The following TACC1 variants were observed in gnomAD, a reference collection of about 807,000 sequenced individuals.
The protein encoded by TACC1 is transforming acidic coiled-coil containing protein 1, also known as transforming acidic coiled-coil-containing protein 1.
Under a neutral mutation model 84.4 loss-of-function variants are expected in TACC1, and 48 were observed. The observed-to-expected ratio is 0.57, with a 90% CI of 0.45 to 0.72. The LOEUF is 0.72. Ranked by LOEUF, TACC1 falls within the 30% of genes least tolerant of loss-of-function variation. The probability of loss-of-function intolerance (pLI) is 0.00; values close to 1 mark genes in which losing one functional copy is unlikely to be tolerated. For synonymous variants in TACC1, 372 were observed against 376.3 expected (o/e 0.99, Z 0.13); for missense variants, 920 against 973.0 (o/e 0.95, Z 0.72).
At chr8:38,768,878 T>A (rs1362501758) in intron 3 of TACC1, among the ~76,000 whole-genome samples, 1 of 144,890 alleles carries the variant, frequency 6.9e-6, no homozygotes, top group African/African-American at 2.6e-5. Context: ...ACTGTGTATG[T>A]AAGACTGTCG....
At position 38,827,284 on chromosome 8, in the gene TACC1, GA is replaced by G; in HGVS notation, c.1572del (p.Gly525ValfsTer20). On this transcript the variant is annotated frameshift_variant, in exon 5 of 13. Coordinates refer to ENST00000317827, the MANE Select transcript of TACC1 (RefSeq NM_006283.3). LOFTEE classifies it high-confidence loss of function. Reference protein sequence around the residue: ...CGQKSAGAEVKGEPEEDLEYF... With the variant: ...CGQKSAGAEVXGEPEEDLEYF... Reference sequence around the variant, plus strand: ...GTCAGAAATCAGCTGGTGCCGAGGTGAAAGGTGAGCCAGAGGAAGACCTGGA... The same window carrying G: ...GTCAGAAATCAGCTGGTGCCGAGGTGAAGGTGAGCCAGAGGAAGACCTGGA... 3 of 1,614,218 alleles carry G rather than the reference GA, an allele frequency of 1.9e-6. No homozygotes were observed. Among genetic ancestry groups the G allele is most frequent in the Non-Finnish European group, 1.7e-6 (2 of 1,180,040 alleles).
chr8:38,823,872 A>G (rs758921609), intron 3 of TACC1: 7 of 672,188 alleles, frequency 1.0e-5, no homozygotes, highest in Admixed American at 2.1e-5. Flanking sequence ...CTCACCTCAT[A>G]GAAAGAATTG....
intron 3 of TACC1, among the ~76,000 whole-genome samples, chr8:38,748,825 G>A (rs935243336): frequency 6.6e-6 from 1 of 152,168 alleles, no homozygotes; most frequent in African/African-American, 2.4e-5. Context: ...AGTTTTGAAA[G>A]CCTATACGAA....
chr8:38,851,834 T>A lies in TACC1; in HGVS notation c.*3811T>A. 2.3e-6 allele frequency: 1 copy of A among 440,250 alleles called. No individual in the cohort carries two copies. Among genetic ancestry groups the A allele is most frequent in the Non-Finnish European group, 4.6e-6 (1 of 218,832 alleles). 27.3% of individuals were successfully genotyped at this position (440,250 alleles called of 1,614,324 possible). ...ATTTGCTTATGAAAGAACAATATAG[T>A]CTGGGAATCCCAGAATGTCAAGCCA... On this transcript the variant is annotated 3_prime_UTR_variant, in exon 13 of 13. Coordinates refer to ENST00000317827, the MANE Select transcript of TACC1 (RefSeq NM_006283.3).
intron 3 of TACC1, among the ~76,000 whole-genome samples, chr8:38,763,629 C>T (rs949842578): frequency 6.6e-6 from 1 of 152,166 alleles, no homozygotes; most frequent in Non-Finnish European, 1.5e-5. Context: ...CATGCTGGGA[C>T]ATTTTTTATA....
intron 5 of TACC1, among the ~76,000 whole-genome samples, chr8:38,828,763 C>T (rs1490914340): frequency 2.6e-5 from 4 of 152,136 alleles, no homozygotes; most frequent in East Asian, 1.9e-4. Context: ...TCCTCAAATG[C>T]GAAGGCACCA....
chr8:38,787,807 CTG>C lies in TACC1; in HGVS notation c.161+69_161+70del, dbSNP rs889097779. 15 of 1,404,012 alleles carry C rather than the reference CTG, an allele frequency of 1.1e-5. 1 individual carries two copies. The highest frequency in any genetic ancestry group is 1.8e-4 in the Middle Eastern group (1 of 5,606). The allele number at this position is 1,404,012 out of a possible 1,614,324, so 87.0% of individuals were successfully genotyped here. A position where few individuals can be genotyped will look rare whatever the true frequency, so the allele number is the denominator to read the frequency against. ...TGCCTCCATCCATCTGCGACTCCCT[CTG>C]TGTGCGTGTGTGTGGTCGCCACCCG... is the stretch of plus-strand genomic sequence containing the variant. On this transcript the variant is annotated intron_variant, in intron 1 of 12. Transcript: ENST00000317827.
At chr8:38,735,046 A>G (rs1200677765) in intron 1 of TACC1, among the ~76,000 whole-genome samples, 2 of 152,264 alleles carry the variant, frequency 1.3e-5, no homozygotes, top group Non-Finnish European at 2.9e-5. Context: ...AGATGCAAGG[A>G]TACGTCATGG....
chr8:38,742,039 C>A (rs1346307408), intron 1 of TACC1, among the ~76,000 whole-genome samples: 1 of 152,222 alleles, frequency 6.6e-6, no homozygotes, highest in Non-Finnish European at 1.5e-5. Context: ...CAGACTGACA[C>A]TGTACACTTG....
rs1832766971 is a variant in TACC1, at chr8:38,849,054, T to G, written c.*1031T>G. The G allele has an allele frequency of 6.6e-6, 1 of 152,044 alleles. No homozygotes were observed. The highest frequency in any genetic ancestry group is 1.5e-5 in the Non-Finnish European group (1 of 68,016). The allele number at this position is 152,044 out of a possible 1,614,324, so 9.4% of individuals were successfully genotyped here. A position where few individuals can be genotyped will look rare whatever the true frequency, so the allele number is the denominator to read the frequency against. On this transcript the variant is annotated 3_prime_UTR_variant, in exon 13 of 13. Coordinates refer to ENST00000317827, the MANE Select transcript of TACC1 (RefSeq NM_006283.3). Reference sequence around the variant, plus strand: ...GGCTCAGATCTTAATTAAAAGGTAATTGTAGCACATTACCAATTATAAGGT... The same window carrying G: ...GGCTCAGATCTTAATTAAAAGGTAAGTGTAGCACATTACCAATTATAAGGT...
intron 2 of TACC1, among the ~76,000 whole-genome samples, chr8:38,802,551 C>T (rs939128153): frequency 3.9e-5 from 6 of 152,180 alleles, no homozygotes; most frequent in African/African-American, 9.7e-5. Flanking sequence ...TCCATGAAAC[C>T]GGTCCCTGGT....
At chr8:38,835,136 C>G (rs1829974013) in intron 6 of TACC1, among the ~76,000 whole-genome samples, 1 of 152,062 alleles carries the variant, frequency 6.6e-6, no homozygotes, top group Middle Eastern at 3.4e-3. Flanking sequence ...CACCTGTAGT[C>G]CCAGCTACTC....
chr8:38,827,113 T>G (rs936553719), intron 4 of TACC1, 55 bp from the exon 5 acceptor site: 3 of 1,518,192 alleles, frequency 2.0e-6, no homozygotes, highest in Non-Finnish European at 2.7e-6. Flanking sequence ...GGATGTCACT[T>G]TTCCCCATTG....
At chr8:38,751,121 G>A (rs560311994) in intron 3 of TACC1, among the ~76,000 whole-genome samples, 5 of 152,188 alleles carry the variant, frequency 3.3e-5, no homozygotes, top group East Asian at 1.9e-4. Flanking sequence ...GGAGAGATGG[G>A]TAGCTCTGAG....
chr8:38,753,290 A>G (rs1587264248), intron 3 of TACC1, among the ~76,000 whole-genome samples: 1 of 152,112 alleles, frequency 6.6e-6, no homozygotes, highest in African/African-American at 2.4e-5. Context: ...TTTTGTAGAG[A>G]CAGGGGACTC....
At position 38,787,602 on chromosome 8, in the gene TACC1, A is replaced by C. The variant is rs1817568814; in HGVS notation, c.20A>C (p.Gln7Pro). 6.5e-7 allele frequency: 1 copy of C among 1,543,748 alleles called. No homozygotes were observed. The highest frequency in any genetic ancestry group is 2.5e-5 in the East Asian group (1 of 39,480). ...GCGCTCATGGCGTTCAGCCCGTGGC[A>C]GATCCTGTCCCCCGTGCAGTGGGCG... is the stretch of plus-strand genomic sequence containing the variant. MAFSPW[Q>P]ILSPVQWAKW... The change falls in exon 1 of 13, where the codon CAG becomes CCG. Residue 7 changes from glutamine to proline, a missense_variant. By Grantham distance (76) the Gln-to-Pro change is moderately conservative. Around this residue, in one of 2 missense-constraint regions of TACC1, gnomAD observed 762 missense variants for 747.3 expected, o/e 1.02. Coordinates refer to ENST00000317827, the MANE Select transcript of TACC1 (RefSeq NM_006283.3).
At chr8:38,795,951 A>C (rs960265743) in intron 2 of TACC1, among the ~76,000 whole-genome samples, 1 of 152,242 alleles carries the variant, frequency 6.6e-6, no homozygotes, top group Non-Finnish European at 1.5e-5. Context: ...GTATCTTGAC[A>C]GTTTGGCAGA....
At chr8:38,756,058 A>G (rs1353304646) in intron 3 of TACC1, among the ~76,000 whole-genome samples, 1 of 151,504 alleles carries the variant, frequency 6.6e-6, no homozygotes, top group African/African-American at 2.4e-5. Flanking sequence ...CAGGTAATCC[A>G]CCCCCTAGGC....
At chr8:38,806,380 G>T (rs1273412427) in intron 2 of TACC1, among the ~76,000 whole-genome samples, 1 of 152,128 alleles carries the variant, frequency 6.6e-6, no homozygotes, top group Non-Finnish European at 1.5e-5. Context: ...AAGAGAAATT[G>T]GATGAACGAA....
Sources: gnomAD v4.1 joint callset for allele counts (sites outside exome capture counted in the v4.1 genomes callset) on GRCh38, gnomAD v4.1.1 for gene constraint, gnomAD v4.1.1 regional missense constraint, MANE v1.5 for transcripts, NCBI Gene and HGNC (gene_info 2026-07-23, HGNC 2026-07-21) for gene names.